The following SYTL4 variants were observed in gnomAD, a reference collection of about 807,000 sequenced individuals.
SYTL4 encodes synaptotagmin like 4, also known as synaptotagmin-like protein 4.
SYTL4 carries 16 observed loss-of-function variants against 52.7 expected under a neutral mutation model. That is an observed-to-expected ratio of 0.30 (90% CI 0.21 to 0.46). SYTL4 has a LOEUF of 0.46. Ranked by LOEUF, SYTL4 falls within the 20% of genes least tolerant of loss-of-function variation. The pLI is 1.00. For synonymous variants in SYTL4, 160 were observed against 186.6 expected (o/e 0.86, Z 1.16); for missense variants, 423 against 519.9 (o/e 0.81, Z 1.81).
chrX:100,711,363 C>T (rs2084064069), intron 2 of SYTL4, among the ~76,000 whole-genome samples: 1 of 111,434 alleles, frequency 9.0e-6, no homozygotes, highest in Admixed American at 9.5e-5. Context: ...ATCAAAAAGA[C>T]CAAGAACTGA....
At chrX:100,693,132 G>A (rs2083634772) in intron 8 of SYTL4, among the ~76,000 whole-genome samples, 1 of 111,396 alleles carries the variant, frequency 9.0e-6, no homozygotes, top group South Asian at 3.8e-4. Context: ...TTTTCACCAT[G>A]TTGGCCAGGC....
Position 100,690,081 on chromosome X carries a change from G to T in SYTL4, c.802C>A (p.Pro268Thr), listed in dbSNP as rs764306136. Residue 268 changes from proline (P) to threonine (T), a missense_variant, in exon 11 of 20, where the codon CCT becomes ACT. Pro to Thr is a conservative substitution (Grantham distance 38). Coordinates refer to ENST00000372989, the MANE Select transcript of SYTL4 (RefSeq NM_001370165.1). Reference sequence around the variant, plus strand: ...AGTAAGGGAAACCAGTTACCTGAAGGCCTGAGGATTTTTCTGGTGTTCTTC... The same window carrying T: ...AGTAAGGGAAACCAGTTACCTGAAGTCCTGAGGATTTTTCTGGTGTTCTTC... ...FKKNTRKILR[P>T]SEYTKSVIDL... is the part of the protein sequence containing the mutation. The T allele has an allele frequency of 5.9e-5, 71 of 1,206,467 alleles. No homozygotes were observed. In the Admixed American group the frequency reaches 1.1e-3, roughly 19 times the overall value.
chrX:100,681,020 A>G (rs2083363531), intron 17 of SYTL4, among the ~76,000 whole-genome samples: 1 of 111,280 alleles, frequency 9.0e-6, no homozygotes, highest in South Asian at 3.8e-4. Context: ...TTAATAGCCT[A>G]AAAAAAGAAA....
chrX:100,683,549 A>AT (rs1407609237), intron 16 of SYTL4, among the ~76,000 whole-genome samples: 1 of 111,514 alleles, frequency 9.0e-6, no homozygotes, highest in Non-Finnish European at 1.9e-5. Flanking sequence ...ACAGTTTAAT[A>AT]TATGTGAGAG....
chrX:100,713,611 GC>G (rs2084123153), intron 2 of SYTL4, among the ~76,000 whole-genome samples: 1 of 28,439 alleles, frequency 3.5e-5, no homozygotes, highest in African/African-American at 1.1e-4. Context: ...GTGAGACTTT[GC>G]CTCAAAAGGG....
chrX:100,716,093 T>C (rs903724860), intron 2 of SYTL4, among the ~76,000 whole-genome samples: 10 of 109,392 alleles, frequency 9.1e-5, no homozygotes, highest in African/African-American at 3.3e-4. Context: ...AGCATAGCCC[T>C]AAAAGGTAGC....
chrX:100,690,005 T>C (rs1373586531), intron 11 of SYTL4, 46 bp from the exon 12 acceptor site: 15 of 1,153,696 alleles, frequency 1.3e-5, no homozygotes, highest in Non-Finnish European at 1.8e-5. Flanking sequence ...CCTATTCTTC[T>C]CCATACCAAG....
intron 16 of SYTL4, chrX:100,685,314 T>A (rs2083455511): frequency 8.9e-6 from 1 of 111,894 alleles, no homozygotes; most frequent in Non-Finnish European, 1.9e-5. Context: ...TAAAAAAAAA[T>A]AAGATGAACT....
Position 100,690,599 on chromosome X carries a change from C to T in SYTL4, c.681G>A (p.Trp227Ter). The T allele has an allele frequency of 8.3e-7, 1 of 1,207,845 alleles. No homozygotes were observed. The highest frequency in any genetic ancestry group is 1.1e-6 in the Non-Finnish European group (1 of 893,198). ...SLDKSGLFPE[W>*]KKMSAPKSQV... ...GAGATTTGGGAGCAGACATCTTCTT[C>T]CATTCTGGAAAGAGGCCAGATTTAT... Residue 227 changes from tryptophan to a stop codon, truncating the protein, a stop_gained, in exon 10 of 20, where the codon TGG (tryptophan) becomes TGA (stop). Transcript: ENST00000372989. LOFTEE classifies it high-confidence loss of function.
chrX:100,696,011 G>A lies in SYTL4; in HGVS notation c.540-4802C>T, dbSNP rs140221135. ...TTTTGAGATTCATTCATGTTATTGC[G>A]TGTATCAATAGTTCATTTCTTTCCA... On this transcript the variant is annotated intron_variant, in intron 8 of 19. Coordinates refer to ENST00000372989, the MANE Select transcript of SYTL4 (RefSeq NM_001370165.1). Among the ~76,000 whole-genome samples the A allele has an allele frequency of 6.3e-3, 705 of 111,734 alleles. 5 individuals carry two copies. Among genetic ancestry groups the A allele is most frequent in the African/African-American group, 0.021 (650 of 30,778 alleles).
chrX:100,707,139 G>A (rs767443014), intron 2 of SYTL4, among the ~76,000 whole-genome samples: 2 of 111,477 alleles, frequency 1.8e-5, no homozygotes, highest in Non-Finnish European at 3.8e-5. Flanking sequence ...ATATCCAACT[G>A]GAGAATTACA....
chrX:100,691,474 C>G (rs2083596469), intron 8 of SYTL4, among the ~76,000 whole-genome samples: 1 of 111,835 alleles, frequency 8.9e-6, no homozygotes, highest in South Asian at 3.8e-4. Flanking sequence ...GCTGCCTCAG[C>G]CTTCTGAGTA....
rs924694256 is a variant in SYTL4, at chrX:100,732,107, G to A, written c.-431C>T. On this transcript the variant is annotated 5_prime_UTR_variant, in exon 1 of 20. Coordinates refer to ENST00000372989, the MANE Select transcript of SYTL4 (RefSeq NM_001370165.1). The stretch of plus-strand genomic sequence containing the variant: ...GATCGCAACCCAGCTCCGGCAGCCG[G>A]CCCTTCTCACCCTCCCGGGAGGCGG... 1.8e-5 allele frequency: 2 copies of A among 112,212 alleles called. No homozygotes were observed. The highest frequency in any genetic ancestry group is 6.5e-5 in the African/African-American group (2 of 30,853). 9.2% of individuals were successfully genotyped at this position (112,212 alleles called of 1,213,427 possible). A position where few individuals can be genotyped will look rare whatever the true frequency, so the allele number is the denominator to read the frequency against.
chrX:100,730,522 C>T (rs757125497), intron 2 of SYTL4, among the ~76,000 whole-genome samples: 9 of 111,223 alleles, frequency 8.1e-5, no homozygotes, highest in African/African-American at 2.9e-4. Flanking sequence ...AACTGTAGCA[C>T]CTACTGTATA....
At chrX:100,702,641 T>C (rs887888315) in intron 4 of SYTL4, among the ~76,000 whole-genome samples, 4 of 112,108 alleles carry the variant, frequency 3.6e-5, no homozygotes, top group African/African-American at 1.3e-4. Context: ...GTTCTTATCA[T>C]ACTAGCACTC....
rs761014696 is a variant in SYTL4 at position 100,698,148 on chromosome X, G to C, written c.539+2749C>G. Among the ~76,000 whole-genome samples the C allele has an allele frequency of 2.5e-4, 28 of 110,534 alleles. No individual in the cohort carries two copies. The East Asian group carries it at 7.7e-3, about 30-fold the overall frequency. On this transcript the variant is annotated intron_variant, in intron 8 of 19. Transcript: ENST00000372989. ...GATGGAGTCTTGCTCTGTTGCCCAG[G>C]CTGGAGTGCAGTGGAGCAATCTTGG...
Position 100,686,754 on chromosome X carries a change from G to C in SYTL4, c.1212C>G (p.Asp404Glu). ...NPYVKTYLLP[D>E]KSRQGKRKTS... is the part of the protein sequence containing the mutation. ...TTTTTCTTTTTCCTTGGCGGGACTTGTCAGGCAGAAGGTAAGTCTTCACAT... is the reference window on the plus strand; with the variant it reads ...TTTTTCTTTTTCCTTGGCGGGACTTCTCAGGCAGAAGGTAAGTCTTCACAT... The change falls in exon 15 of 20, where the codon GAC becomes GAG. Residue 404 changes from aspartate to glutamate, a missense_variant. Coordinates refer to ENST00000372989, the MANE Select transcript of SYTL4 (RefSeq NM_001370165.1). 1 of 1,210,796 alleles carries C rather than the reference G, an allele frequency of 8.3e-7. No individual in the cohort carries two copies. The highest frequency in any genetic ancestry group is 2.3e-4 in the Middle Eastern group (1 of 4,351).
In SYTL4 at chrX:100,675,765, A is replaced by T. The variant is rs1189346766; in HGVS notation, c.*263T>A. The T allele has an allele frequency of 3.7e-6, 1 of 269,544 alleles. No homozygotes were observed. The highest frequency in any genetic ancestry group is 5.7e-5 in the East Asian group (1 of 17,476). 22.2% of individuals were successfully genotyped at this position (269,544 alleles called of 1,213,427 possible). ...GACATAAGAAAAAATGGACTCTGAAAATAAACTAGATTATACACAGAAACA... is the reference window on the plus strand; with the variant it reads ...GACATAAGAAAAAATGGACTCTGAATATAAACTAGATTATACACAGAAACA... On this transcript the variant is annotated 3_prime_UTR_variant, in exon 20 of 20. Coordinates refer to ENST00000372989, the MANE Select transcript of SYTL4 (RefSeq NM_001370165.1).
intron 2 of SYTL4, among the ~76,000 whole-genome samples, chrX:100,707,842 A>G (rs901818377): frequency 8.9e-6 from 1 of 111,890 alleles, no homozygotes; most frequent in East Asian, 2.8e-4. Context: ...CAGATGGACA[A>G]CTTGTTCTGT....
Sources: gnomAD v4.1 joint callset for allele counts (sites outside exome capture counted in the v4.1 genomes callset) on GRCh38, gnomAD v4.1.1 for gene constraint, MANE v1.5 for transcripts, NCBI Gene and HGNC (gene_info 2026-07-23, HGNC 2026-07-21) for gene names.